The following PNPLA7 variants were observed in gnomAD, a reference collection of about 807,000 sequenced individuals.
PNPLA7 encodes patatin-like phospholipase domain-containing protein 7.
In PNPLA7, 153 loss-of-function variants were observed where a neutral mutation model predicts 161.7. That is an observed-to-expected ratio of 0.95 (90% CI 0.83 to 1.08). The LOEUF is 1.08. Among genes scored for constraint, PNPLA7 ranks in the 50% least tolerant of loss-of-function variants. The pLI, the probability that PNPLA7 is intolerant of heterozygous loss-of-function variation, is 0.00. For missense variants in PNPLA7, 1,739 were observed against 1,856.6 expected (o/e 0.94, Z 1.16); for synonymous variants, 809 against 782.1 (o/e 1.03, Z -0.57).
intron 14 of PNPLA7, among the ~76,000 whole-genome samples, chr9:137,503,793 A>AG (rs1324482346): frequency 0.4 from 34 of 86 alleles, 6 homozygotes; most frequent in African/African-American, 0.61. Context: ...GAAGAGAATG[A>AG]AGAAGAAGGA....
chr9:137,507,677 A>G (rs1004688389), intron 12 of PNPLA7, among the ~76,000 whole-genome samples: 2 of 152,150 alleles, frequency 1.3e-5, no homozygotes, highest in African/African-American at 4.8e-5. Flanking sequence ...CTCAAAATAA[A>G]TAAATAAAAT....
rs916050154 is a variant in PNPLA7, at chr9:137,537,318, CA to C, written c.747+3323del. ...AATTACCTCTCTCAGATATCACCCCCATTTTTTTTTTTGAGACAGAGTTGGA... is the reference window on the plus strand; with the variant it reads ...AATTACCTCTCTCAGATATCACCCCCTTTTTTTTTTTGAGACAGAGTTGGA... On this transcript the variant is annotated intron_variant, in intron 8 of 34. Transcript: ENST00000406427. The surrounding 1 kb of genome is among the most constrained non-coding windows in gnomAD (Gnocchi z 4.5). Among the ~76,000 whole-genome samples the C allele has an allele frequency of 1.3e-5, 2 of 151,894 alleles. No individual in the cohort carries two copies. The highest frequency in any genetic ancestry group is 4.8e-5 in the African/African-American group (2 of 41,340).
intron 11 of PNPLA7, among the ~76,000 whole-genome samples, chr9:137,519,553 T>C (rs1429302612): frequency 6.6e-6 from 1 of 151,966 alleles, no homozygotes; most frequent in Non-Finnish European, 1.5e-5. Context: ...TGTGAGGAGA[T>C]GGGCACACCT....
rs1831540347 is a variant in PNPLA7, at chr9:137,467,649, G to A, written c.2883-176C>T. Among the ~76,000 whole-genome samples the A allele has an allele frequency of 6.6e-6, 1 of 152,260 alleles. No individual in the cohort carries two copies. Among genetic ancestry groups the A allele is most frequent in the Non-Finnish European group, 1.5e-5 (1 of 68,058 alleles). ...TTCCGGGCTCACGCCTGTCATCTCAGCACTTTGGGAGGCCAAGGCGGGCAG... is the reference window on the plus strand; with the variant it reads ...TTCCGGGCTCACGCCTGTCATCTCAACACTTTGGGAGGCCAAGGCGGGCAG... On this transcript the variant is annotated intron_variant, in intron 25 of 34. Transcript: ENST00000406427. This position sits in a 1 kb window ranked among gnomAD's most constrained non-coding sequence, Gnocchi z 5.1.
intron 20 of PNPLA7, 99 bp from the exon 21 acceptor site, chr9:137,484,835 G>T (rs1333487175): frequency 1.4e-6 from 2 of 1,402,050 alleles, no homozygotes; most frequent in East Asian, 5.2e-5. Context: ...GAGCAACGCA[G>T]CAGCACCAGA....
chr9:137,508,945 G>C (rs575367963), intron 12 of PNPLA7: 2 of 152,344 alleles, frequency 1.3e-5, no homozygotes, highest in East Asian at 3.9e-4. Flanking sequence ...CAAGGTGCTC[G>C]GCCTCACAGT....
At position 137,527,458 on chromosome 9, in the gene PNPLA7, C is replaced by T. The variant is rs568726682; in HGVS notation, c.748-4601G>A. Among the ~76,000 whole-genome samples the T allele has an allele frequency of 2.0e-3, 302 of 152,258 alleles. 2 individuals carry two copies. The highest frequency in any genetic ancestry group is 3.4e-3 in the Middle Eastern group (1 of 294). On this transcript the variant is annotated intron_variant, in intron 8 of 34. Transcript: ENST00000406427. ...TCTTCTGGTTGCTGACAGTTTTTAT[C>T]GTGAACAGATGCTGAATTTTGTCAA...
chr9:137,478,425 CG>C (rs1832045532), intron 24 of PNPLA7: 1 of 316,252 alleles, frequency 3.2e-6, no homozygotes, highest in Non-Finnish European at 5.7e-6. Flanking sequence ...AGAGTGGGCC[CG>C]GGTGGGGGGC....
Position 137,543,633 on chromosome 9 carries a change from A to T in PNPLA7, c.366-61T>A. On this transcript the variant is annotated intron_variant, in intron 5 of 34. Transcript: ENST00000406427. The surrounding 1 kb of genome is among the most constrained non-coding windows in gnomAD (Gnocchi z 6.9). ...AGGCGGGTTCGAAACCCACAGCATC[A>T]GTGGCTGACACACCAGGCAGCTCAG... 6.2e-7 allele frequency: 1 copy of T among 1,608,144 alleles called. No individual in the cohort carries two copies.
intron 8 of PNPLA7, among the ~76,000 whole-genome samples, chr9:137,529,966 T>TGAATTTTTTTTTTCCTGA (rs1205998865): frequency 2.1e-5 from 3 of 139,744 alleles, no homozygotes; most frequent in Non-Finnish European, 4.6e-5. Flanking sequence ...GCCTGAAGTT[T>TGAATTTTTTTTTTCCTGA]GAATTTTTTT....
At chr9:137,531,896 A>G (rs1411568136) in intron 8 of PNPLA7, among the ~76,000 whole-genome samples, 1 of 152,150 alleles carries the variant, frequency 6.6e-6, no homozygotes, top group East Asian at 1.9e-4. Context: ...TTAAAACTAT[A>G]TAACCTGGGT....
intron 20 of PNPLA7, among the ~76,000 whole-genome samples, chr9:137,485,655 C>G (rs952955608): frequency 7.2e-5 from 11 of 152,268 alleles, no homozygotes; most frequent in African/African-American, 2.7e-4. Flanking sequence ...TTCCAGAAAC[C>G]AAGGAAGCAC....
In PNPLA7 at chr9:137,549,569, C is replaced by CAA. The variant is rs57732454; in HGVS notation, c.30+597_30+598dup. 2.0e-3 allele frequency among the ~76,000 whole-genome samples: 194 copies of CAA among 95,914 alleles called. 6 individuals carry two copies. Among genetic ancestry groups the CAA allele is most frequent in the Middle Eastern group, 6.8e-3 (1 of 146 alleles). 62.9% of individuals were successfully genotyped at this position (95,914 alleles called of 152,430 possible). A position where few individuals can be genotyped will look rare whatever the true frequency, so the allele number is the denominator to read the frequency against. On this transcript the variant is annotated intron_variant, in intron 1 of 34. Coordinates refer to ENST00000406427, the MANE Select transcript of PNPLA7 (RefSeq NM_001098537.3). The stretch of plus-strand genomic sequence containing the variant: ...TGGGCGACAGAGCAAGACTCCGTCT[C>CAA]AAAAAAAAAAAAAAAAAAAGTTCAA...
rs556790666 is a variant in PNPLA7, at chr9:137,545,847, T to C, written c.273+983A>G. On this transcript the variant is annotated intron_variant, in intron 4 of 34. Transcript: ENST00000406427. ...GTGGTGACGCCAGCGTCTGGGAAGATGCCTGTTGCCAAGCGGACCGTGATC... is the reference window on the plus strand; with the variant it reads ...GTGGTGACGCCAGCGTCTGGGAAGACGCCTGTTGCCAAGCGGACCGTGATC... Among the ~76,000 whole-genome samples the C allele has an allele frequency of 2.4e-3, 369 of 152,294 alleles. 1 individual carries two copies. The highest frequency in any genetic ancestry group is 0.016 in the South Asian group (78 of 4,824).
chr9:137,549,638 T>C (rs1836742025), intron 1 of PNPLA7, among the ~76,000 whole-genome samples: 1 of 132,470 alleles, frequency 7.5e-6, no homozygotes, highest in Non-Finnish European at 1.6e-5. Context: ...CTACTAAGAA[T>C]ACAAAAATTA....
chr9:137,546,067 G>A lies in PNPLA7; in HGVS notation c.273+763C>T, dbSNP rs560536011. Among the ~76,000 whole-genome samples the A allele has an allele frequency of 1.4e-3, 219 of 152,196 alleles. 1 individual carries two copies. The highest frequency in any genetic ancestry group is 3.9e-3 in the African/African-American group (162 of 41,518). ...TGTGATGCTGTGCTTCAGTGGTCAC[G>A]CTCCTAGTCCGCCTTCATGTTCCAT... On this transcript the variant is annotated intron_variant, in intron 4 of 34. Transcript: ENST00000406427.
chr9:137,493,535 C>T (rs1263708033), intron 19 of PNPLA7, among the ~76,000 whole-genome samples: 1 of 152,244 alleles, frequency 6.6e-6, no homozygotes, highest in Non-Finnish European at 1.5e-5. Flanking sequence ...GACATTTGTC[C>T]TGACTGGACC....
In PNPLA7 at chr9:137,484,997, G is replaced by A. The variant is rs566701311; in HGVS notation, c.2198-261C>T. On this transcript the variant is annotated intron_variant, in intron 20 of 34. Coordinates refer to ENST00000406427, the MANE Select transcript of PNPLA7 (RefSeq NM_001098537.3). The stretch of plus-strand genomic sequence containing the variant: ...CCCTCAGGGGCTGCCTGGACCTCAT[G>A]CCTCCCCCAACCCTCAGAGGCTACC... Among the ~76,000 whole-genome samples the A allele has an allele frequency of 4.6e-5, 7 of 152,116 alleles. No homozygotes were observed. The South Asian group carries it at 1.2e-3, about 27-fold the overall frequency.
chr9:137,464,940 CA>C (rs1831395083), intron 26 of PNPLA7: 1 of 163,300 alleles, frequency 6.1e-6, no homozygotes, highest in East Asian at 1.8e-4. Context: ...GGTACTCCAT[CA>C]GGGGTCCCGG....
Sources: allele counts gnomAD v4.1 joint callset (sites outside exome capture counted in the v4.1 genomes callset), GRCh38; gene constraint gnomAD v4.1.1; non-coding constraint Gnocchi (gnomAD v3.1); transcripts MANE v1.5; gene names NCBI Gene and HGNC (gene_info 2026-07-23, HGNC 2026-07-21).